Variants in LNP1 observed in about 807,000 individuals in gnomAD.
The protein encoded by LNP1 is leukemia NUP98 fusion partner 1.
Under a neutral mutation model 14.5 loss-of-function variants are expected in LNP1, and 12 were observed. The observed-to-expected ratio is 0.83, with a 90% CI of 0.53 to 1.34. LNP1 has a LOEUF of 1.34. Among genes scored for constraint, LNP1 ranks in the 40% most tolerant of loss-of-function variants. The pLI, the probability that LNP1 is intolerant of heterozygous loss-of-function variation, is 0.00. For missense variants in LNP1, 198 were observed against 210.9 expected (o/e 0.94, Z 0.38); for synonymous variants, 75 against 71.4 (o/e 1.05, Z -0.26).
At chr3:100,421,956 A>C (rs1707147367) in intron 1 of LNP1, among the ~76,000 whole-genome samples, 1 of 152,114 alleles carries the variant, frequency 6.6e-6, no homozygotes, top group South Asian at 2.1e-4. Context: ...TATGTGTATG[A>C]TGATCCTCTC....
intron 1 of LNP1, among the ~76,000 whole-genome samples, chr3:100,427,226 C>T (rs1707201651): frequency 6.6e-6 from 1 of 151,832 alleles, no homozygotes; most frequent in Non-Finnish European, 1.5e-5. Flanking sequence ...GAAAGCAATG[C>T]AAACTTTTAA....
At chr3:100,404,220 G>A (rs1357222008) in intron 1 of LNP1, among the ~76,000 whole-genome samples, 1 of 152,172 alleles carries the variant, frequency 6.6e-6, no homozygotes, top group Admixed American at 6.5e-5. Context: ...GAGGTTGGCT[G>A]TCACCCACTT....
chr3:100,416,599 T>TTTTGTGTG (rs1491128284), intron 1 of LNP1, among the ~76,000 whole-genome samples: 2 of 94,620 alleles, frequency 2.1e-5, no homozygotes, highest in Non-Finnish European at 4.2e-5. Flanking sequence ...TATATCTTTT[T>TTTTGTGTG]TGTGTGTGTG....
intron 2 of LNP1, among the ~76,000 whole-genome samples, chr3:100,431,343 A>G (rs1707240252): frequency 6.6e-6 from 1 of 152,228 alleles, no homozygotes; most frequent in South Asian, 2.1e-4. Context: ...GAATCACAGC[A>G]TCTATTATGT....
rs182726310 is a variant in LNP1, at chr3:100,423,315, A to G, written c.-33-6382A>G. Among the ~76,000 whole-genome samples the G allele has an allele frequency of 3.9e-5, 6 of 152,286 alleles. No homozygotes were observed. The East Asian group carries it at 1.2e-3, about 29-fold the overall frequency. On this transcript the variant is annotated intron_variant, in intron 1 of 3. Transcript: ENST00000383693. ...AAAAAGAAAAACGAAATAAAAAAAAATAAGTTACTACTGCAACAACGGCAT... is the reference window on the plus strand; with the variant it reads ...AAAAAGAAAAACGAAATAAAAAAAAGTAAGTTACTACTGCAACAACGGCAT...
intron 1 of LNP1, among the ~76,000 whole-genome samples, chr3:100,415,774 A>T (rs1707077737): frequency 6.6e-6 from 1 of 152,200 alleles, no homozygotes; most frequent in South Asian, 2.1e-4. Flanking sequence ...AACACCCTTG[A>T]TGTTATCTTT....
chr3:100,438,904 G>A (rs1487220866), intron 2 of LNP1, among the ~76,000 whole-genome samples: 1 of 152,150 alleles, frequency 6.6e-6, no homozygotes, highest in Non-Finnish European at 1.5e-5. Context: ...TTGGGACATT[G>A]TTTTAGGTCT....
intron 1 of LNP1, among the ~76,000 whole-genome samples, chr3:100,426,032 G>C (rs1707189515): frequency 6.6e-6 from 1 of 152,202 alleles, no homozygotes. Context: ...GGGGTCAAGA[G>C]CCCTATCTGT....
chr3:100,437,946 G>A (rs905540308), intron 2 of LNP1, among the ~76,000 whole-genome samples: 1 of 152,092 alleles, frequency 6.6e-6, no homozygotes, highest in Non-Finnish European at 1.5e-5. Flanking sequence ...TAAGTCTTAG[G>A]CAAGACTTAG....
intron 2 of LNP1, among the ~76,000 whole-genome samples, chr3:100,450,805 A>G (rs913654670): frequency 1.3e-5 from 2 of 152,224 alleles, no homozygotes; most frequent in African/African-American, 4.8e-5. Context: ...CTCAAACTCC[A>G]TAAAGGAGTT....
intron 2 of LNP1, among the ~76,000 whole-genome samples, chr3:100,438,028 T>C (rs1010123504): frequency 6.6e-6 from 1 of 152,168 alleles, no homozygotes; most frequent in African/African-American, 2.4e-5. Flanking sequence ...ATTCTGAAGT[T>C]AGCTATCAAG....
At chr3:100,407,591 T>C (rs1296820764) in intron 1 of LNP1, among the ~76,000 whole-genome samples, 1 of 152,220 alleles carries the variant, frequency 6.6e-6, no homozygotes, top group African/African-American at 2.4e-5. Flanking sequence ...TTGAATCTAA[T>C]TGCAAATCTT....
In LNP1 at chr3:100,403,407, C is replaced by G. The variant is rs553621191; in HGVS notation, c.-34+968C>G. 4.6e-5 allele frequency among the ~76,000 whole-genome samples: 7 copies of G among 151,452 alleles called. No individual in the cohort carries two copies. In the South Asian group the frequency reaches 1.5e-3, roughly 32 times the overall value. On this transcript the variant is annotated intron_variant, in intron 1 of 3. Coordinates refer to ENST00000383693, the MANE Select transcript of LNP1 (RefSeq NM_001085451.2). ...TGAAGAAGCTTTCTTCACCTTTGATCTGTATCTTAGGAGGCAGTTAAATGA... is the reference window on the plus strand; with the variant it reads ...TGAAGAAGCTTTCTTCACCTTTGATGTGTATCTTAGGAGGCAGTTAAATGA...
Position 100,437,225 on chromosome 3 carries a change from T to C in LNP1, c.156+7340T>C, listed in dbSNP as rs188890227. Among the ~76,000 whole-genome samples the C allele has an allele frequency of 9.8e-5, 15 of 152,308 alleles. 1 individual carries two copies. Among genetic ancestry groups the C allele is most frequent in the Admixed American group, 8.5e-4 (13 of 15,284 alleles). On this transcript the variant is annotated intron_variant, in intron 2 of 3. Coordinates refer to ENST00000383693, the MANE Select transcript of LNP1 (RefSeq NM_001085451.2). ...TTGGGGTTATGATCTCAGTGGCATA[T>C]GGTTTATATGGGCTTAGTTTGGCTA... is the stretch of plus-strand genomic sequence containing the variant.
chr3:100,409,472 G>A (rs1335288417), intron 1 of LNP1, among the ~76,000 whole-genome samples: 1 of 150,744 alleles, frequency 6.6e-6, no homozygotes, highest in Non-Finnish European at 1.5e-5. Flanking sequence ...GTGAAACCCT[G>A]TCTTTACTAA....
At chr3:100,439,827 T>C (rs1707329216) in intron 2 of LNP1, among the ~76,000 whole-genome samples, 4 of 152,166 alleles carry the variant, frequency 2.6e-5, no homozygotes, top group African/African-American at 9.7e-5. Flanking sequence ...AATGGACTAA[T>C]ATATAGAGAT....
intron 2 of LNP1, among the ~76,000 whole-genome samples, chr3:100,440,951 G>A (rs1707338323): frequency 6.6e-6 from 1 of 152,216 alleles, no homozygotes; most frequent in South Asian, 2.1e-4. Context: ...TTAGAAAGAT[G>A]AGGGAGTAGG....
intron 1 of LNP1, among the ~76,000 whole-genome samples, chr3:100,429,417 C>T (rs1707222832): frequency 6.6e-6 from 1 of 152,148 alleles, no homozygotes; most frequent in Non-Finnish European, 1.5e-5. Context: ...GACTCTGCAT[C>T]CCACCCTTAG....
intron 2 of LNP1, among the ~76,000 whole-genome samples, chr3:100,447,124 C>T (rs1707395841): frequency 6.6e-6 from 1 of 152,112 alleles, no homozygotes; most frequent in Non-Finnish European, 1.5e-5. Flanking sequence ...ATTATAAATC[C>T]TGCTACTATA....
Sources: allele counts gnomAD v4.1 joint callset (sites outside exome capture counted in the v4.1 genomes callset), GRCh38; gene constraint gnomAD v4.1.1; transcripts MANE v1.5; gene names NCBI Gene and HGNC (gene_info 2026-07-23, HGNC 2026-07-21).